Variants in TBC1D5 observed in about 807,000 individuals in gnomAD.
TBC1D5 encodes TBC1 domain family, member 5.
A neutral mutation model predicts 100.3 loss-of-function variants in TBC1D5; 75 were observed. The ratio of observed to expected loss-of-function variants is 0.75; its 90% CI spans 0.62 to 0.91. The LOEUF (loss-of-function observed/expected upper bound fraction) is 0.91, where lower values mean the gene tolerates loss of function less well. TBC1D5 is among the 40% of genes least tolerant of loss of function. The pLI, the probability that TBC1D5 is intolerant of heterozygous loss-of-function variation, is 0.00. For missense variants in TBC1D5, 910 were observed against 942.4 expected (o/e 0.97, Z 0.45); for synonymous variants, 323 against 325.6 (o/e 0.99, Z 0.09).
At chr3:17,185,111 A>C (rs1458387982) in exon 19 of TBC1D5, 2 of 1,611,222 alleles carry the variant, frequency 1.2e-6, no homozygotes, top group South Asian at 2.2e-5. Context: ...TCACTTACCA[A>C]GATGAGTGTC....
chr3:17,443,141 G>A (rs571210759), intron 3 of TBC1D5, among the ~76,000 whole-genome samples: 5 of 152,240 alleles, frequency 3.3e-5, no homozygotes, highest in Admixed American at 6.5e-5. Flanking sequence ...AGATGCTCCA[G>A]GCATTAGAAT....
At chr3:17,357,660 G>C (rs190714418) in intron 13 of TBC1D5, among the ~76,000 whole-genome samples, 2 of 152,044 alleles carry the variant, frequency 1.3e-5, no homozygotes, top group African/African-American at 2.4e-5. Context: ...TTACTTAGAC[G>C]TACTTAATAA....
At chr3:17,667,187 G>A (rs1308822978) in intron 1 of TBC1D5, among the ~76,000 whole-genome samples, 1 of 152,108 alleles carries the variant, frequency 6.6e-6, no homozygotes, top group Non-Finnish European at 1.5e-5. Context: ...AGCCTACTAA[G>A]CTATGAATAT....
chr3:17,727,592 T>C (rs987687735), intron 1 of TBC1D5, among the ~76,000 whole-genome samples: 2 of 152,140 alleles, frequency 1.3e-5, no homozygotes, highest in East Asian at 1.9e-4. Flanking sequence ...ATGAAATAAA[T>C]GATTTTGCTA....
intron 2 of TBC1D5, among the ~76,000 whole-genome samples, chr3:17,514,912 C>A (rs1485802682): frequency 6.6e-6 from 1 of 151,566 alleles, no homozygotes; most frequent in Non-Finnish European, 1.5e-5. Context: ...TATAAAAATA[C>A]TTTCAATTCT....
In TBC1D5 at chr3:17,170,262, C is replaced by G. The variant is rs535693207; in HGVS notation, c.1853-2434G>C. ...CCTCTGCTGAGCTGAGAGGTGGGCT[C>G]AGGTTTCCCAGCTCCCACTGGGTAG... On this transcript the variant is annotated intron_variant, in intron 19 of 21. Coordinates refer to ENST00000253692, the Ensembl canonical transcript of TBC1D5. Among the ~76,000 whole-genome samples the G allele has an allele frequency of 3.7e-3, 563 of 152,278 alleles. 3 individuals carry two copies. The highest frequency in any genetic ancestry group is 0.012 in the African/African-American group (519 of 41,556).
chr3:17,732,330 A>G (rs966802717), intron 1 of TBC1D5, among the ~76,000 whole-genome samples: 1 of 151,630 alleles, frequency 6.6e-6, no homozygotes, highest in Non-Finnish European at 1.5e-5. Flanking sequence ...AAAACAAAAA[A>G]CAAACAAAAA....
intron 1 of TBC1D5, among the ~76,000 whole-genome samples, chr3:17,641,178 T>G (rs1256742454): frequency 2.6e-5 from 4 of 152,160 alleles, no homozygotes. Context: ...GGGTTTTGAT[T>G]TATTAGGACA....
intron 3 of TBC1D5, chr3:17,465,101 C>T (rs2095280289): frequency 6.6e-6 from 1 of 152,130 alleles, no homozygotes; most frequent in Admixed American, 6.5e-5. Context: ...AGAAATAAAA[C>T]CTGATTGTTC....
chr3:17,720,027 T>C (rs2075565229), intron 1 of TBC1D5, among the ~76,000 whole-genome samples: 1 of 152,162 alleles, frequency 6.6e-6, no homozygotes, highest in Non-Finnish European at 1.5e-5. Context: ...ACACAAAAAT[T>C]TGCTCTGCTC....
chr3:17,431,694 C>G (rs1046856694), intron 3 of TBC1D5, among the ~76,000 whole-genome samples: 1 of 151,924 alleles, frequency 6.6e-6, no homozygotes, highest in Admixed American at 6.6e-5. Flanking sequence ...CAAAAATATG[C>G]TGATAGTTAC....
chr3:17,655,589 G>A (rs2065988226), intron 1 of TBC1D5, among the ~76,000 whole-genome samples: 1 of 151,858 alleles, frequency 6.6e-6, no homozygotes, highest in Non-Finnish European at 1.5e-5. Flanking sequence ...CTAATAATGA[G>A]AAAACAATCA....
chr3:17,511,219 T>G (rs1456162334), intron 2 of TBC1D5, among the ~76,000 whole-genome samples: 1 of 152,038 alleles, frequency 6.6e-6, no homozygotes, highest in Non-Finnish European at 1.5e-5. Flanking sequence ...TTTCAAAATT[T>G]TATTTGGCCC....
At chr3:17,731,331 T>A (rs569043914) in intron 1 of TBC1D5, among the ~76,000 whole-genome samples, 1 of 151,842 alleles carries the variant, frequency 6.6e-6, no homozygotes, top group Admixed American at 6.5e-5. Flanking sequence ...TGAAACCCCA[T>A]CTCTAATAAA....
intron 2 of TBC1D5, among the ~76,000 whole-genome samples, chr3:17,616,775 T>C (rs978710473): frequency 3.3e-5 from 5 of 152,174 alleles, no homozygotes; most frequent in African/African-American, 1.2e-4. Flanking sequence ...TTTTAGCCTA[T>C]GTGTGTCTCT....
At chr3:17,673,485 A>AT (rs1195624471) in intron 1 of TBC1D5, among the ~76,000 whole-genome samples, 1,525 of 109,084 alleles carry the variant, frequency 0.014, 13 homozygotes, top group Admixed American at 0.028. Context: ...TAATGTTTGT[A>AT]TTTTTTTTTT....
chr3:17,652,558 C>A (rs866982562), intron 1 of TBC1D5, among the ~76,000 whole-genome samples: 3 of 152,070 alleles, frequency 2.0e-5, no homozygotes, highest in Admixed American at 2.0e-4. Flanking sequence ...ACAACAAATT[C>A]TTGGACTCTA....
chr3:17,272,654 G>A (rs933216446), intron 15 of TBC1D5, among the ~76,000 whole-genome samples: 1 of 152,090 alleles, frequency 6.6e-6, no homozygotes, highest in Non-Finnish European at 1.5e-5. Context: ...AGATGGTAAG[G>A]GAACAGCCAG....
chr3:17,428,268 C>T (rs968149970), intron 4 of TBC1D5, among the ~76,000 whole-genome samples, 182 bp downstream of exon 4: 1 of 151,378 alleles, frequency 6.6e-6, no homozygotes, highest in South Asian at 2.1e-4. Flanking sequence ...TTATTAATTA[C>T]AGAAAATAAC....
Sources: allele counts gnomAD v4.1 joint callset (sites outside exome capture counted in the v4.1 genomes callset), GRCh38; gene constraint gnomAD v4.1.1; transcripts MANE v1.5; gene names NCBI Gene and HGNC (gene_info 2026-07-23, HGNC 2026-07-21).